The following EML6 variants were observed in gnomAD, a reference collection of about 807,000 sequenced individuals.
The protein encoded by EML6 is EMAP like 6.
In EML6, 154 loss-of-function variants were observed where a neutral mutation model predicts 240.1. That is an observed-to-expected ratio of 0.64 (90% CI 0.56 to 0.73). EML6 has a LOEUF of 0.73. Among genes scored for constraint, EML6 ranks in the 30% least tolerant of loss-of-function variants. EML6 has a pLI of 0.00. For synonymous variants in EML6, 1,148 were observed against 899.0 expected (o/e 1.28, Z -4.95); for missense variants, 2,964 against 2,474.6 (o/e 1.20, Z -4.20).
intron 21 of EML6, among the ~76,000 whole-genome samples, chr2:54,897,654 A>G (rs1249003859): frequency 6.0e-5 from 9 of 150,862 alleles, no homozygotes; most frequent in Admixed American, 5.3e-4. Flanking sequence ...ACCAGATGTT[A>G]GTTACCATCT....
rs56219224 is a variant in EML6 at position 54,840,338 on chromosome 2, A to G, written c.848-3709A>G. Among the ~76,000 whole-genome samples, 1,265 of 152,378 alleles carry G rather than the reference A, an allele frequency of 8.3e-3. 7 individuals are homozygous for G. The highest frequency in any genetic ancestry group is 0.014 in the Non-Finnish European group (959 of 68,042). On this transcript the variant is annotated intron_variant, in intron 7 of 41. Coordinates refer to ENST00000356458, the MANE Select transcript of EML6 (RefSeq NM_001039753.4). ...AAAAGGACTATGATCTGAATATTCA[A>G]TAACAGTTAAAATATATAACGTATC... is the stretch of plus-strand genomic sequence containing the variant.
intron 5 of EML6, among the ~76,000 whole-genome samples, chr2:54,823,334 G>C (rs1021555946): frequency 6.6e-6 from 1 of 152,154 alleles, no homozygotes; most frequent in Admixed American, 6.5e-5. Flanking sequence ...TTGCACTTCT[G>C]TCAGGAGTTA....
intron 38 of EML6, 38 bp from the exon 39 acceptor site, chr2:54,966,958 GAGAA>G (rs1676775856): frequency 7.4e-7 from 1 of 1,347,804 alleles, no homozygotes; most frequent in African/African-American, 1.5e-5. Context: ...CTGTGGGACT[GAGAA>G]AGAACGTTGA....
At chr2:54,907,375 C>T (rs749991673) in intron 24 of EML6, among the ~76,000 whole-genome samples, 6 of 152,034 alleles carry the variant, frequency 3.9e-5, no homozygotes, top group African/African-American at 1.4e-4. Flanking sequence ...GGTGTGGTGG[C>T]GGGCGCCTGT....
At chr2:54,728,400 C>G (rs989770688) in intron 2 of EML6, among the ~76,000 whole-genome samples, 3 of 152,210 alleles carry the variant, frequency 2.0e-5, no homozygotes, top group Admixed American at 6.5e-5. Flanking sequence ...ATATGTATTG[C>G]TTCTGGCTAG....
rs2104522237 is a variant in EML6, at chr2:54,959,109, T to C, written c.4701T>C (p.Asn1567=). ...AGATGTTGTTTTGTTTACAGAACAA[T>C]CTCACTTTCACGGGTGCCATCAATG... ...TMLSVAFGAN[N]LTFTGAINGD... The change falls in exon 34 of 42, where the codon AAT becomes AAC. Residue 1567 remains asparagine (N), a synonymous_variant. Coordinates refer to ENST00000356458, the MANE Select transcript of EML6 (RefSeq NM_001039753.4). The C allele has an allele frequency of 6.5e-7, 1 of 1,550,082 alleles. No individual in the cohort carries two copies. The highest frequency in any genetic ancestry group is 8.7e-7 in the Non-Finnish European group (1 of 1,146,430).
rs572905765 is a variant in EML6 at position 54,935,137 on chromosome 2, G to A, written c.4004+6386G>A. The stretch of plus-strand genomic sequence containing the variant: ...CATTGCTTCGTGTTTAGGTTGTCAC[G>A]TTTGGTCTTTAGCAGACACTCCTTT... On this transcript the variant is annotated intron_variant, in intron 28 of 41. Transcript: ENST00000356458. Among the ~76,000 whole-genome samples the A allele has an allele frequency of 1.0e-3, 152 of 152,244 alleles. 2 individuals are homozygous for A. The highest frequency in any genetic ancestry group is 3.5e-3 in the African/African-American group (147 of 41,538).
intron 35 of EML6, among the ~76,000 whole-genome samples, chr2:54,961,906 A>C (rs1252526196): frequency 6.6e-6 from 1 of 151,426 alleles, no homozygotes; most frequent in East Asian, 2.0e-4. Flanking sequence ...GGGGAGGCTG[A>C]GGCAGGAGAA....
At chr2:54,756,418 T>A (rs1489577318) in intron 2 of EML6, among the ~76,000 whole-genome samples, 2 of 152,238 alleles carry the variant, frequency 1.3e-5, no homozygotes. Context: ...TTAATGGATA[T>A]TCATTCTGTT....
chr2:54,933,635 G>C (rs1404274585), intron 28 of EML6, among the ~76,000 whole-genome samples: 3 of 152,096 alleles, frequency 2.0e-5, no homozygotes, highest in Non-Finnish European at 4.4e-5. Flanking sequence ...TCGGGAGGCT[G>C]AGGCACCAAT....
chr2:54,884,033 C>G (rs1207741867), intron 17 of EML6, among the ~76,000 whole-genome samples: 1 of 152,182 alleles, frequency 6.6e-6, no homozygotes, highest in Non-Finnish European at 1.5e-5. Context: ...TCCCCACCAG[C>G]AAGCAAACAA....
chr2:54,804,396 C>T (rs780370380), intron 2 of EML6, among the ~76,000 whole-genome samples: 2 of 152,240 alleles, frequency 1.3e-5, no homozygotes, highest in Non-Finnish European at 2.9e-5. Context: ...TGAAACTTCT[C>T]ATTAGCAAAT....
At chr2:54,812,616 C>T (rs901305737) in intron 2 of EML6, among the ~76,000 whole-genome samples, 3 of 151,756 alleles carry the variant, frequency 2.0e-5, no homozygotes, top group Non-Finnish European at 4.4e-5. Flanking sequence ...TCATTTTTAT[C>T]GAACTACAGA....
chr2:54,845,168 T>C (rs1216163875), intron 8 of EML6, among the ~76,000 whole-genome samples: 2 of 152,244 alleles, frequency 1.3e-5, no homozygotes, highest in Admixed American at 6.5e-5. Flanking sequence ...AATTCTGTTT[T>C]TTCCATCTCT....
At position 54,733,395 on chromosome 2, in the gene EML6, G is replaced by T. The variant is rs776520926; in HGVS notation, c.197+8137G>T. Among the ~76,000 whole-genome samples the T allele has an allele frequency of 1.1e-3, 175 of 152,320 alleles. 3 individuals are homozygous for T. The highest frequency in any genetic ancestry group is 1.2e-3 in the Non-Finnish European group (81 of 68,018). ...ATGTCTTCTAAGTAAGGGATCATCA[G>T]TTGCAAGAAACTTTTTCAAAGAAGT... On this transcript the variant is annotated intron_variant, in intron 2 of 41. Transcript: ENST00000356458.
chr2:54,730,748 T>C (rs1683119780), intron 2 of EML6, among the ~76,000 whole-genome samples: 1 of 152,248 alleles, frequency 6.6e-6, no homozygotes, highest in Non-Finnish European at 1.5e-5. Flanking sequence ...AATTATAGTC[T>C]TGTGATTTTT....
chr2:54,728,638 C>A (rs1435216697), intron 2 of EML6, among the ~76,000 whole-genome samples: 1 of 152,078 alleles, frequency 6.6e-6, no homozygotes, highest in East Asian at 1.9e-4. Flanking sequence ...AGAGTTGTAA[C>A]TATTAGAAAA....
intron 31 of EML6, 128 bp from the exon 32 acceptor site, chr2:54,953,855 C>G: frequency 1.3e-6 from 1 of 747,986 alleles, no homozygotes; most frequent in Non-Finnish European, 2.1e-6. Flanking sequence ...CCACTGCACT[C>G]TGGCCTGGGC....
At chr2:54,806,473 C>T (rs12612684) in intron 2 of EML6, among the ~76,000 whole-genome samples, 26,803 of 151,576 alleles carry the variant, frequency 0.18, 2,578 homozygotes, top group Admixed American at 0.29. Context: ...AATAGCTGGG[C>T]GTGGTAGCAC....
Sources: gnomAD v4.1 joint callset for allele counts (sites outside exome capture counted in the v4.1 genomes callset) on GRCh38, gnomAD v4.1.1 for gene constraint, MANE v1.5 for transcripts, NCBI Gene and HGNC (gene_info 2026-07-23, HGNC 2026-07-21) for gene names.